ZFHX3: variants seen among roughly 807,000 people sequenced by gnomAD.
ZFHX3 encodes the protein zinc finger homeobox 3, also known as zinc finger homeobox protein 3.
A neutral mutation model predicts 279.1 loss-of-function variants in ZFHX3; 42 were observed. The observed-to-expected ratio is 0.15, with a 90% CI of 0.12 to 0.19. The LOEUF is 0.19. Among genes scored for constraint, ZFHX3 ranks in the 10% least tolerant of loss-of-function variants. The pLI, the probability that ZFHX3 is intolerant of heterozygous loss-of-function variation, is 1.00. For missense variants in ZFHX3, 4,981 were observed against 4,754.0 expected, an observed-to-expected ratio of 1.05 and a Z score of -1.40; for synonymous variants, 2,293 against 1,957.8, an observed-to-expected ratio of 1.17 and a Z score of -4.52.
At chr16:73,362,583 T>C (rs1047794134) in intron 3 of ZFHX3, among the ~76,000 whole-genome samples, 2 of 152,150 alleles carry the variant, frequency 1.3e-5, no homozygotes, top group Non-Finnish European at 2.9e-5. Context: ...CAAAGAAACA[T>C]TCAGAACCAC....
At chr16:73,394,286 T>A (rs2017081902) in intron 3 of ZFHX3, among the ~76,000 whole-genome samples, 1 of 151,454 alleles carries the variant, frequency 6.6e-6, no homozygotes, top group Admixed American at 6.6e-5. Flanking sequence ...TGATACATAT[T>A]TGATATATAT....
intron 1 of ZFHX3, among the ~76,000 whole-genome samples, chr16:73,817,154 A>G (rs183717682): frequency 3.9e-5 from 6 of 152,294 alleles, no homozygotes; most frequent in Non-Finnish European, 8.8e-5. Context: ...ACCACTTCAC[A>G]TGCAGCCACG....
intron 4 of ZFHX3, among the ~76,000 whole-genome samples, chr16:73,305,839 G>A (rs1194108255): frequency 6.6e-6 from 1 of 152,170 alleles, no homozygotes; most frequent in Non-Finnish European, 1.5e-5. Context: ...CTTCCTCTTT[G>A]GAGAGGGTAC....
intron 7 of ZFHX3, among the ~76,000 whole-genome samples, chr16:73,113,096 G>C (rs1390234425): frequency 1.3e-5 from 2 of 151,848 alleles, no homozygotes; most frequent in Non-Finnish European, 2.9e-5. Context: ...GAGAATATGA[G>C]AAAGAAAGAG....
At chr16:73,801,383 G>C (rs117883482) in intron 1 of ZFHX3, among the ~76,000 whole-genome samples, 2,283 of 152,262 alleles carry the variant, frequency 0.015, 14 homozygotes, top group Middle Eastern at 0.027. Flanking sequence ...TTAGGTAGGA[G>C]GTGGGTTAAA....
chr16:72,902,014 A>G (rs190098304), intron 3 of ZFHX3, among the ~76,000 whole-genome samples: 2 of 152,370 alleles, frequency 1.3e-5, no homozygotes, highest in Admixed American at 1.3e-4. Flanking sequence ...CAGCAAGCGC[A>G]GCCAGCAAAC....
At chr16:72,847,311 C>T (rs1050154997) in intron 4 of ZFHX3, among the ~76,000 whole-genome samples, 84 of 152,252 alleles carry the variant, frequency 5.5e-4, no homozygotes, top group African/African-American at 1.9e-3. Context: ...CTACCTAAGA[C>T]GTGTCTCCCC....
chr16:73,100,508 A>T lies in ZFHX3; in HGVS notation c.-896-6910T>A, dbSNP rs145106107. On this transcript the variant is annotated intron_variant, in intron 7 of 17. Coordinates refer to the ZFHX3 transcript ENST00000641206. ...CAGAGTGCAAGAAAGCCCCTTCACCATACTTAAATGGAGACATCTCCCAGT... is the reference window on the plus strand; with the variant it reads ...CAGAGTGCAAGAAAGCCCCTTCACCTTACTTAAATGGAGACATCTCCCAGT... 7.2e-5 allele frequency among the ~76,000 whole-genome samples: 11 copies of T among 152,146 alleles called. No homozygotes were observed. In the East Asian group the frequency reaches 2.1e-3, roughly 29 times the overall value.
chr16:73,754,693 A>C (rs974119550), intron 1 of ZFHX3, among the ~76,000 whole-genome samples: 6 of 152,208 alleles, frequency 3.9e-5, no homozygotes, highest in Non-Finnish European at 7.3e-5. Flanking sequence ...TATGAATCTG[A>C]ATTGAGACAG....
In ZFHX3 at chr16:73,472,268, TAAA is replaced by T. The variant is rs199783028; in HGVS notation, c.-1546-16013_-1546-16011del. 3.9e-4 allele frequency among the ~76,000 whole-genome samples: 52 copies of T among 132,382 alleles called. No homozygotes were observed. In the East Asian group the frequency reaches 0.012, roughly 29 times the overall value. The allele number at this position is 132,382 out of a possible 152,430, so 86.8% of individuals were successfully genotyped here. ...GGTCAGGATTCTACTTTTTAAATCT[TAAA>T]AAAAAAAAAAAAAAAACAGCATATC... On this transcript the variant is annotated intron_variant, in intron 2 of 17. Transcript: ENST00000641206.
exon 3 of ZFHX3, chr16:73,456,055 T>A (rs2018365727): frequency 6.6e-6 from 1 of 152,174 alleles, no homozygotes; most frequent in African/African-American, 2.4e-5. Context: ...ATATGTGGTC[T>A]TTAAAAATGT....
chr16:73,412,280 TCACG>T (rs2017485100), intron 3 of ZFHX3, among the ~76,000 whole-genome samples: 1 of 142,806 alleles, frequency 7.0e-6, no homozygotes, highest in Non-Finnish European at 1.5e-5. Context: ...TGAGCCATAA[TCACG>T]CCACGGCACT....
chr16:73,491,528 C>A (rs825840), intron 2 of ZFHX3, among the ~76,000 whole-genome samples: 1 of 152,014 alleles, frequency 6.6e-6, no homozygotes, highest in East Asian at 1.9e-4. Flanking sequence ...TTCAGAAATC[C>A]GTGGCATCCT....
intron 1 of ZFHX3, among the ~76,000 whole-genome samples, chr16:72,970,924 G>A (rs533263118): frequency 6.6e-6 from 1 of 152,214 alleles, no homozygotes; most frequent in Non-Finnish European, 1.5e-5. Context: ...GATTAAAGTT[G>A]TGGGAGTTCA....
intron 3 of ZFHX3, among the ~76,000 whole-genome samples, chr16:72,912,386 T>C (rs979774296): frequency 6.6e-6 from 1 of 152,284 alleles, no homozygotes; most frequent in Non-Finnish European, 1.5e-5. Flanking sequence ...CTGGGTGGGT[T>C]GGAGGTATGA....
intron 1 of ZFHX3, among the ~76,000 whole-genome samples, chr16:73,889,915 A>T (rs2030473823): frequency 6.6e-6 from 1 of 152,218 alleles, no homozygotes; most frequent in Non-Finnish European, 1.5e-5. Context: ...GTCCTTAACA[A>T]TAACAGGGAA....
At chr16:72,872,689 C>T (rs1037206708) in intron 4 of ZFHX3, among the ~76,000 whole-genome samples, 1 of 152,194 alleles carries the variant, frequency 6.6e-6, no homozygotes, top group Non-Finnish European at 1.5e-5. Flanking sequence ...AAACTCCTGA[C>T]CTCAAGTGAT....
chr16:73,678,061 G>GAGA (rs2052972566), intron 2 of ZFHX3, among the ~76,000 whole-genome samples: 1 of 152,026 alleles, frequency 6.6e-6, no homozygotes, highest in Non-Finnish European at 1.5e-5. Context: ...AATTTTGTAA[G>GAGA]AGAAGAACAG....
chr16:73,483,941 T>C (rs898792536), intron 2 of ZFHX3, among the ~76,000 whole-genome samples: 5 of 151,452 alleles, frequency 3.3e-5, no homozygotes, highest in Non-Finnish European at 7.4e-5. Context: ...TTTTTTTTTT[T>C]TTTTTTTTTA....
Sources: gnomAD v4.1 joint callset for allele counts (sites outside exome capture counted in the v4.1 genomes callset) on GRCh38, gnomAD v4.1.1 for gene constraint, MANE v1.5 for transcripts, NCBI Gene and HGNC (gene_info 2026-07-23, HGNC 2026-07-21) for gene names.